WWOX: variants seen among roughly 807,000 people sequenced by gnomAD.
WWOX encodes WW domain-containing oxidoreductase.
WWOX carries 69 observed loss-of-function variants against 46.2 expected under a neutral mutation model. The observed-to-expected ratio is 1.49, with a 90% CI of 1.23 to 1.82. The LOEUF (loss-of-function observed/expected upper bound fraction) is 1.82. Among genes scored for constraint, WWOX ranks in the 40% most tolerant of loss-of-function variants. The pLI is 0.00. For synonymous variants in WWOX, 359 were observed against 202.6 expected (o/e 1.77, Z -6.56); for missense variants, 919 against 542.6 (o/e 1.69, Z -6.89).
intron 8 of WWOX, among the ~76,000 whole-genome samples, chr16:78,757,604 A>C (rs910232542): frequency 6.6e-6 from 1 of 152,200 alleles, no homozygotes; most frequent in Non-Finnish European, 1.5e-5. Context: ...TGAAAGACGT[A>C]TGTAAAAACA....
chr16:78,326,492 A>G (rs1483903747), intron 5 of WWOX, among the ~76,000 whole-genome samples: 6 of 150,016 alleles, frequency 4.0e-5, no homozygotes, highest in Admixed American at 1.3e-4. Context: ...GTAAATACTA[A>G]AATGCCAGCA....
intron 8 of WWOX, among the ~76,000 whole-genome samples, chr16:79,191,518 T>C (rs1388855703): frequency 6.6e-6 from 1 of 152,258 alleles, no homozygotes; most frequent in Non-Finnish European, 1.5e-5. Context: ...CTCCTGCTAC[T>C]TTATAAAAGC....
chr16:78,755,216 G>C (rs1401007842), intron 8 of WWOX, among the ~76,000 whole-genome samples: 1 of 114,216 alleles, frequency 8.8e-6, no homozygotes, highest in African/African-American at 3.5e-5. Flanking sequence ...AAAGTGAAAG[G>C]AAAAAAAAAA....
intron 8 of WWOX, among the ~76,000 whole-genome samples, chr16:79,186,542 C>G (rs2051019192): frequency 6.6e-6 from 1 of 152,232 alleles, no homozygotes; most frequent in African/African-American, 2.4e-5. Flanking sequence ...TCCAGTCTGA[C>G]TGCATCTTAA....
intron 5 of WWOX, among the ~76,000 whole-genome samples, chr16:78,250,399 A>G (rs2037952513): frequency 6.6e-6 from 1 of 152,208 alleles, no homozygotes. Context: ...AATAGAAGGA[A>G]CAACAACGAA....
At chr16:78,314,088 T>C (rs1045231788) in intron 5 of WWOX, among the ~76,000 whole-genome samples, 6 of 151,800 alleles carry the variant, frequency 4.0e-5, no homozygotes, top group Non-Finnish European at 7.4e-5. Context: ...AGAATTAAAA[T>C]AAAAAACACA....
chr16:78,688,111 T>C (rs1448261823), intron 8 of WWOX, among the ~76,000 whole-genome samples: 2 of 151,792 alleles, frequency 1.3e-5, no homozygotes, highest in African/African-American at 4.8e-5. Flanking sequence ...TTATTATTTC[T>C]ATATATCTTA....
intron 5 of WWOX, among the ~76,000 whole-genome samples, chr16:78,181,756 G>T (rs1015348956): frequency 6.6e-6 from 1 of 152,078 alleles, no homozygotes; most frequent in Admixed American, 6.5e-5. Context: ...TCTATTGGAA[G>T]CATTCATTTA....
At chr16:79,072,449 C>T (rs538492252) in intron 8 of WWOX, among the ~76,000 whole-genome samples, 3 of 152,194 alleles carry the variant, frequency 2.0e-5, no homozygotes, top group Admixed American at 6.5e-5. Flanking sequence ...TACTTTGCAA[C>T]ATAGACTTGA....
chr16:78,687,774 C>G (rs1403873396), intron 8 of WWOX, among the ~76,000 whole-genome samples: 1 of 152,154 alleles, frequency 6.6e-6, no homozygotes, highest in African/African-American at 2.4e-5. Flanking sequence ...CCAGGTCTGA[C>G]TATTAACCAG....
At chr16:78,512,745 G>A (rs1490320710) in intron 8 of WWOX, among the ~76,000 whole-genome samples, 1 of 152,204 alleles carries the variant, frequency 6.6e-6, no homozygotes, top group Non-Finnish European at 1.5e-5. Context: ...CACTAGTGAT[G>A]CTAAAATAAG....
chr16:78,893,904 G>C (rs2044644449), intron 8 of WWOX, among the ~76,000 whole-genome samples: 1 of 152,058 alleles, frequency 6.6e-6, no homozygotes, highest in South Asian at 2.1e-4. Context: ...CTTTTGAGTT[G>C]ATATGCAATA....
chr16:78,163,197 A>G (rs78243831), intron 4 of WWOX, among the ~76,000 whole-genome samples: 3,447 of 152,226 alleles, frequency 0.023, 152 homozygotes, highest in African/African-American at 0.078. Flanking sequence ...TCATAGTGGT[A>G]ATTTGAGACT....
chr16:78,282,246 A>G (rs1033322694), intron 5 of WWOX, among the ~76,000 whole-genome samples: 1 of 152,168 alleles, frequency 6.6e-6, no homozygotes, highest in Non-Finnish European at 1.5e-5. Flanking sequence ...AACATTCTGG[A>G]CACACAAATC....
At chr16:78,737,534 A>G (rs1597519376) in intron 8 of WWOX, among the ~76,000 whole-genome samples, 1 of 152,138 alleles carries the variant, frequency 6.6e-6, no homozygotes, top group African/African-American at 2.4e-5. Flanking sequence ...TGTACCCATC[A>G]CCCGGGCAGT....
chr16:79,165,815 T>G (rs1033197355), intron 8 of WWOX, among the ~76,000 whole-genome samples: 1 of 152,148 alleles, frequency 6.6e-6, no homozygotes, highest in Non-Finnish European at 1.5e-5. Context: ...CCTGAACAAA[T>G]TACATCCCTC....
At chr16:78,765,627 C>T (rs556862702) in intron 8 of WWOX, among the ~76,000 whole-genome samples, 3 of 152,004 alleles carry the variant, frequency 2.0e-5, no homozygotes, top group Admixed American at 1.3e-4. Flanking sequence ...TGCAGTGAGC[C>T]GAGATTGTGC....
intron 6 of WWOX, among the ~76,000 whole-genome samples, chr16:78,392,497 C>T (rs1344893002): frequency 6.6e-6 from 1 of 152,108 alleles, no homozygotes; most frequent in Non-Finnish European, 1.5e-5. Context: ...ATGTCATCTG[C>T]TTGAATCGTC....
At chr16:78,844,324 A>C (rs2052240846) in intron 8 of WWOX, among the ~76,000 whole-genome samples, 1 of 152,190 alleles carries the variant, frequency 6.6e-6, no homozygotes, top group Non-Finnish European at 1.5e-5. Context: ...AATCCTTTTG[A>C]AACATGGAGA....
Sources: allele counts gnomAD v4.1 joint callset (sites outside exome capture counted in the v4.1 genomes callset), GRCh38; gene constraint gnomAD v4.1.1; transcripts MANE v1.5; gene names NCBI Gene and HGNC (gene_info 2026-07-23, HGNC 2026-07-21).